PTBP3: variants seen among roughly 807,000 people sequenced by gnomAD.
PTBP3 encodes the protein polypyrimidine tract binding protein 3, also known as polypyrimidine tract-binding protein 3.
Under a neutral mutation model 58.7 loss-of-function variants are expected in PTBP3, and 20 were observed. That is an observed-to-expected ratio of 0.34 (90% CI 0.24 to 0.50). The LOEUF (loss-of-function observed/expected upper bound fraction) is 0.50. Among genes scored for constraint, PTBP3 ranks in the 20% least tolerant of loss-of-function variants. The pLI is 0.98. For synonymous variants in PTBP3, 185 were observed against 219.8 expected (o/e 0.84, Z 1.40); for missense variants, 509 against 637.2 (o/e 0.80, Z 2.17).
intron 1 of PTBP3, among the ~76,000 whole-genome samples, chr9:112,320,314 A>ATATTTTTTT: frequency 1.3e-5 from 1 of 75,726 alleles, no homozygotes; most frequent in Admixed American, 1.6e-4. Context: ...ATATATATAT[A>ATATTTTTTT]TTTTTTTTTA....
intron 2 of PTBP3, among the ~76,000 whole-genome samples, chr9:112,294,049 T>C (rs577771026): frequency 6.6e-6 from 1 of 152,154 alleles, no homozygotes; most frequent in Non-Finnish European, 1.5e-5. Context: ...AGGCATGCAA[T>C]AATGGGTCAA....
the PTBP3 span, among the ~76,000 whole-genome samples, chr9:112,375,840 C>A: frequency 3.9e-5 from 6 of 152,204 alleles, no homozygotes; most frequent in East Asian, 1.2e-3. Flanking sequence ...CATAGTCAAA[C>A]GTTCAGTTTC....
chr9:112,222,603 C>A lies in PTBP3; in HGVS notation c.*1248G>T. 1 of 985,698 alleles carries A rather than the reference C, an allele frequency of 1.0e-6. No homozygotes were observed. The highest frequency in any genetic ancestry group is 1.2e-6 in the Non-Finnish European group (1 of 829,876). 61.1% of individuals were successfully genotyped at this position (985,698 alleles called of 1,614,324 possible). ...CAAAACCATTCACCCTTCCCCACAC[C>A]GTCTCTGCACCAAGCACCAAAAATT... On this transcript the variant is annotated 3_prime_UTR_variant, in exon 14 of 14. Coordinates refer to ENST00000374257, the MANE Select transcript of PTBP3 (RefSeq NM_001163788.4).
At position 112,220,068 on chromosome 9, in the gene PTBP3, A is replaced by G. The variant is rs149599180; in HGVS notation, c.*3783T>C. The G allele has an allele frequency of 6.1e-4, 725 of 1,180,410 alleles. 3 individuals are homozygous for G. In the African/African-American group the frequency reaches 9.0e-3, roughly 15 times the overall value. 73.1% of individuals were successfully genotyped at this position (1,180,410 alleles called of 1,614,324 possible). A position where few individuals can be genotyped will look rare whatever the true frequency, so the allele number is the denominator to read the frequency against. ...AGATCAAGACAAAGGAAAGGCTAAG[A>G]AAAATGCTTTACGCATCGTCACGCT... On this transcript the variant is annotated 3_prime_UTR_variant, in exon 14 of 14. Transcript: ENST00000374257.
chr9:112,320,079 C>T (rs796642541), intron 1 of PTBP3, among the ~76,000 whole-genome samples: 4 of 151,714 alleles, frequency 2.6e-5, no homozygotes, highest in South Asian at 2.1e-4. Context: ...GAAATAAGTT[C>T]GAGAGATCAA....
rs114662469 is a variant in PTBP3, at chr9:112,313,532, G to T, written c.-51-15616C>A. ...TTGTGGAAGTCAGAAACCTGGACAT[G>T]GCTTAGCTAGGTCCTCTGGAGAGTC... On this transcript the variant is annotated intron_variant, in intron 1 of 13. Transcript: ENST00000374257. Among the ~76,000 whole-genome samples, 159 of 152,306 alleles carry T rather than the reference G, an allele frequency of 1.0e-3. 2 individuals carry two copies. The highest frequency in any genetic ancestry group is 3.7e-3 in the African/African-American group (152 of 41,570).
Position 112,262,583 on chromosome 9 carries a change from A to G in PTBP3, c.368T>C (p.Leu123Pro), listed in dbSNP as rs760356684. 23 of 1,602,296 alleles carry G rather than the reference A, an allele frequency of 1.4e-5. No individual in the cohort carries two copies. The highest frequency in any genetic ancestry group is 2.0e-5 in the Non-Finnish European group (23 of 1,175,714). Residue 123 changes from leucine to proline, a missense_variant, in exon 5 of 14, where the codon CTG (leucine) becomes CCG (proline). Physicochemically the swap from Leu to Pro is moderately conservative, Grantham distance 98. Around this residue, in one of 4 missense-constraint regions of PTBP3, gnomAD observed 212 missense variants for 215.3 expected, o/e 0.98. Coordinates refer to ENST00000374257, the MANE Select transcript of PTBP3 (RefSeq NM_001163788.4). ...TGATTGGACGGCACTGACAGCCTGCAGTGCAGCTTGGGCTCGCTATAGAAC... is the reference window on the plus strand; with the variant it reads ...TGATTGGACGGCACTGACAGCCTGCGGTGCAGCTTGGGCTCGCTATAGAAC... The part of the protein sequence containing the change: ...LPNQARAQAA[L>P]QAVSAVQSGS...
chr9:112,377,727 TGAGTGA>T, the PTBP3 span, among the ~76,000 whole-genome samples: 1 of 152,182 alleles, frequency 6.6e-6, no homozygotes, highest in African/African-American at 2.4e-5. Context: ...AGGGGTGAAA[TGAGTGA>T]GACTTACCTG....
chr9:112,247,334 G>A (rs1009493087), intron 7 of PTBP3, among the ~76,000 whole-genome samples: 13 of 151,556 alleles, frequency 8.6e-5, no homozygotes, highest in African/African-American at 3.1e-4. Flanking sequence ...GAAAGACACA[G>A]AATAAAGAAG....
rs147170704 is a variant in PTBP3 at position 112,300,731 on chromosome 9, G to T, written c.-51-2815C>A. Among the ~76,000 whole-genome samples the T allele has an allele frequency of 1.5e-3, 226 of 151,376 alleles. 1 individual carries two copies. The highest frequency in any genetic ancestry group is 5.3e-3 in the African/African-American group (217 of 40,904). ...CACGCCACTGCACTCCAGCCTGGGC[G>T]ACAAAGCGAGACTCCGTCTCAAAGA... On this transcript the variant is annotated intron_variant, in intron 1 of 13. Transcript: ENST00000374257.
intron 7 of PTBP3, among the ~76,000 whole-genome samples, chr9:112,239,816 AG>A (rs1297790247): frequency 1.6e-4 from 11 of 68,866 alleles, no homozygotes; most frequent in African/African-American, 2.5e-4. Flanking sequence ...GAAGGAAGGA[AG>A]GGAGGAAGGG....
the PTBP3 span, among the ~76,000 whole-genome samples, chr9:112,365,083 C>T: frequency 1.3e-5 from 2 of 152,210 alleles, no homozygotes; most frequent in African/African-American, 4.8e-5. Context: ...ATGTCTTCCA[C>T]GTTCATCCAT....
chr9:112,299,556 C>A (rs982124816), intron 1 of PTBP3, among the ~76,000 whole-genome samples: 2 of 152,128 alleles, frequency 1.3e-5, no homozygotes, highest in Non-Finnish European at 2.9e-5. Context: ...CCCAAGATAA[C>A]AGAAAAATGA....
the PTBP3 span, among the ~76,000 whole-genome samples, chr9:112,349,565 T>C: frequency 6.7e-6 from 1 of 150,370 alleles, no homozygotes; most frequent in African/African-American, 2.4e-5. Flanking sequence ...TCTCTACATA[T>C]AGTGTGCAAT....
chr9:112,280,549 T>C (rs963279820), intron 2 of PTBP3, among the ~76,000 whole-genome samples: 5 of 152,196 alleles, frequency 3.3e-5, no homozygotes, highest in Admixed American at 2.0e-4. Context: ...GTTGAAAATG[T>C]TCCCTTCTAT....
chr9:112,257,104 C>A (rs1395318315), intron 5 of PTBP3, among the ~76,000 whole-genome samples: 2 of 152,152 alleles, frequency 1.3e-5, no homozygotes, highest in Non-Finnish European at 2.9e-5. Context: ...TGGCCTAAAG[C>A]ACATCCTGGG....
At chr9:112,320,314 A>ATATATATTTTTT in intron 1 of PTBP3, among the ~76,000 whole-genome samples, 41 of 75,694 alleles carry the variant, frequency 5.4e-4, no homozygotes, top group Admixed American at 2.5e-3. Context: ...ATATATATAT[A>ATATATATTTTTT]TTTTTTTTTA....
At chr9:112,245,859 T>C (rs183291966) in intron 7 of PTBP3, among the ~76,000 whole-genome samples, 1 of 152,176 alleles carries the variant, frequency 6.6e-6, no homozygotes, top group Admixed American at 6.5e-5. Context: ...TTATACCCTG[T>C]AGAATAAAAT....
At chr9:112,353,259 A>T in the PTBP3 span, among the ~76,000 whole-genome samples, 5 of 151,564 alleles carry the variant, frequency 3.3e-5, no homozygotes. Context: ...CTCTCCTTTC[A>T]CCAGCCCGTA....
Sources: allele counts gnomAD v4.1 joint callset (sites outside exome capture counted in the v4.1 genomes callset), GRCh38; gene constraint gnomAD v4.1.1; regional missense constraint gnomAD v4.1.1; transcripts MANE v1.5; gene names NCBI Gene and HGNC (gene_info 2026-07-23, HGNC 2026-07-21).